WDR7: variants seen among roughly 807,000 people sequenced by gnomAD.
WDR7 encodes WD repeat domain 7, also known as WD repeat-containing protein 7.
Under a neutral mutation model 169.4 loss-of-function variants are expected in WDR7, and 46 were observed. The observed-to-expected ratio is 0.27, with a 90% CI of 0.21 to 0.35. WDR7 has a LOEUF of 0.35. Ranked by LOEUF, WDR7 falls within the 10% of genes least tolerant of loss-of-function variation. The pLI, the probability that WDR7 is intolerant of heterozygous loss-of-function variation, is 1.00. For missense variants in WDR7, 1,534 were observed against 1,859.3 expected (o/e 0.83, Z 3.22); for synonymous variants, 612 against 666.8 (o/e 0.92, Z 1.27).
At chr18:56,682,470 T>C (rs532377313) in intron 4 of WDR7, among the ~76,000 whole-genome samples, 20 of 152,332 alleles carry the variant, frequency 1.3e-4, no homozygotes, top group African/African-American at 4.8e-4. Flanking sequence ...TAATTTTTGT[T>C]AGCTATTTAA....
chr18:56,729,220 CTT>C (rs2026529200), intron 13 of WDR7, among the ~76,000 whole-genome samples: 2 of 152,076 alleles, frequency 1.3e-5, no homozygotes, highest in Admixed American at 6.5e-5. Flanking sequence ...TCCTGTGAAA[CTT>C]TAAGATATCT....
At chr18:56,830,550 C>T (rs1038294377) in intron 20 of WDR7, among the ~76,000 whole-genome samples, 1 of 152,190 alleles carries the variant, frequency 6.6e-6, no homozygotes, top group Admixed American at 6.5e-5. Flanking sequence ...GTAATAATCA[C>T]CATCATGGTG....
At chr18:56,859,063 T>G (rs1437370559) in intron 20 of WDR7, among the ~76,000 whole-genome samples, 1 of 152,118 alleles carries the variant, frequency 6.6e-6, no homozygotes, top group Non-Finnish European at 1.5e-5. Context: ...GCACCCTTAT[T>G]TCTTCTTGTC....
intron 20 of WDR7, among the ~76,000 whole-genome samples, chr18:56,827,216 C>T (rs1051187922): frequency 2.0e-5 from 3 of 152,158 alleles, no homozygotes; most frequent in Non-Finnish European, 4.4e-5. Context: ...CTTACTTGTT[C>T]ATTGTATGCC....
intron 26 of WDR7, among the ~76,000 whole-genome samples, chr18:56,979,882 C>T (rs567799981): frequency 2.6e-5 from 4 of 152,306 alleles, no homozygotes; most frequent in East Asian, 1.9e-4. Flanking sequence ...CATTTCTATA[C>T]GTTGGGAAAA....
At chr18:56,883,839 T>C (rs2046148760) in intron 21 of WDR7, among the ~76,000 whole-genome samples, 1 of 152,232 alleles carries the variant, frequency 6.6e-6, no homozygotes, top group Non-Finnish European at 1.5e-5. Context: ...AATGCCAATA[T>C]TTCATTCCTT....
At chr18:56,727,484 T>C (rs1436970622) in intron 13 of WDR7, among the ~76,000 whole-genome samples, 1 of 152,074 alleles carries the variant, frequency 6.6e-6, no homozygotes, top group Admixed American at 6.5e-5. Flanking sequence ...CTCAGGAAAC[T>C]TACAATCATG....
chr18:56,939,913 A>ATAAC (rs2047011252), intron 25 of WDR7, among the ~76,000 whole-genome samples: 1 of 151,182 alleles, frequency 6.6e-6, no homozygotes, highest in Admixed American at 6.6e-5. Context: ...TTTGCTAAGT[A>ATAAC]TAACTATAAA....
At chr18:56,886,007 A>G (rs2046186910) in intron 21 of WDR7, among the ~76,000 whole-genome samples, 1 of 152,214 alleles carries the variant, frequency 6.6e-6, no homozygotes, top group Admixed American at 6.5e-5. Context: ...ACCTAAGAAT[A>G]ATTGGTGTTC....
chr18:56,691,868 C>G, intron 9 of WDR7, 51 bp downstream of exon 9: 4 of 1,412,230 alleles, frequency 2.8e-6, no homozygotes, highest in Non-Finnish European at 3.0e-6. Flanking sequence ...TGAAAAACTT[C>G]TACAACTGTA....
At chr18:56,929,726 G>GA (rs1399587101) in intron 22 of WDR7, among the ~76,000 whole-genome samples, 1 of 152,190 alleles carries the variant, frequency 6.6e-6, no homozygotes, top group Non-Finnish European at 1.5e-5. Flanking sequence ...GTTCATTCAT[G>GA]ATGAACTGTT....
chr18:56,754,247 TTGTGTGTGTGTG>T lies in WDR7; in HGVS notation c.1990-2308_1990-2297del, dbSNP rs71169393. On this transcript the variant is annotated intron_variant, in intron 14 of 27. Transcript: ENST00000254442. ...TATATCTTGGAGGATGTTTTGTGCT[TTGTGTGTGTGTG>T]TGTGTGTGTGTGTGTGTGTGTGTGT... 4.0e-3 allele frequency among the ~76,000 whole-genome samples: 565 copies of T among 141,680 alleles called. 2 individuals are homozygous for T. The highest frequency in any genetic ancestry group is 6.8e-3 in the African/African-American group (254 of 37,606). 92.9% of individuals were successfully genotyped at this position (141,680 alleles called of 152,430 possible). A position where few individuals can be genotyped will look rare whatever the true frequency, so the allele number is the denominator to read the frequency against.
chr18:56,722,378 G>C (rs2026341315), intron 13 of WDR7, among the ~76,000 whole-genome samples: 1 of 152,214 alleles, frequency 6.6e-6, no homozygotes, highest in Non-Finnish European at 1.5e-5. Flanking sequence ...TTAGTAGCAA[G>C]TGTTTTCTTC....
intron 19 of WDR7, among the ~76,000 whole-genome samples, chr18:56,814,527 CCTT>C (rs915971827): frequency 5.3e-5 from 8 of 151,830 alleles, no homozygotes; most frequent in African/African-American, 1.9e-4. Context: ...TAGTACATCC[CCTT>C]CTTTATGTTA....
intron 19 of WDR7, among the ~76,000 whole-genome samples, chr18:56,794,697 C>T (rs1599049543): frequency 6.6e-6 from 1 of 152,220 alleles, no homozygotes; most frequent in Middle Eastern, 3.4e-3. Context: ...TATTCAGTAA[C>T]TCAGTGTTTC....
intron 26 of WDR7, among the ~76,000 whole-genome samples, chr18:56,980,747 A>C (rs947338536): frequency 2.6e-5 from 4 of 152,166 alleles, no homozygotes; most frequent in Non-Finnish European, 5.9e-5. Context: ...AGTGGATGGG[A>C]GAGAAGAGCA....
chr18:56,860,087 G>A (rs1357414609), intron 20 of WDR7, among the ~76,000 whole-genome samples: 3 of 152,172 alleles, frequency 2.0e-5, no homozygotes, highest in Non-Finnish European at 4.4e-5. Context: ...GCCCCCGAAT[G>A]TGTGGTAATT....
intron 9 of WDR7, among the ~76,000 whole-genome samples, chr18:56,692,323 T>C (rs1398567202): frequency 6.6e-6 from 1 of 152,086 alleles, no homozygotes; most frequent in African/African-American, 2.4e-5. Context: ...TTGTGATTTC[T>C]GAAAACGTGC....
chr18:56,861,010 T>G (rs1354505029), intron 20 of WDR7, among the ~76,000 whole-genome samples: 1 of 152,202 alleles, frequency 6.6e-6, no homozygotes, highest in African/African-American at 2.4e-5. Flanking sequence ...CTATGTTAAC[T>G]GTTTTGCTTT....
Sources: gnomAD v4.1 joint callset for allele counts (sites outside exome capture counted in the v4.1 genomes callset) on GRCh38, gnomAD v4.1.1 for gene constraint, MANE v1.5 for transcripts, NCBI Gene and HGNC (gene_info 2026-07-23, HGNC 2026-07-21) for gene names.